ASIC2: variants seen among roughly 807,000 people sequenced by gnomAD.
ASIC2 encodes the protein acid-sensing ion channel 2.
Under a neutral mutation model 57.3 loss-of-function variants are expected in ASIC2, and 25 were observed. The ratio of observed to expected loss-of-function variants is 0.44; its 90% confidence interval spans 0.32 to 0.61. The LOEUF is 0.61. ASIC2 is among the 20% of genes least tolerant of loss of function. The pLI is 0.06. For synonymous variants in ASIC2, 319 were observed against 307.5 expected (o/e 1.04, Z -0.39); for missense variants, 641 against 738.1 (o/e 0.87, Z 1.52).
Position 34,078,311 on chromosome 17 carries a change from A to G in ASIC2, c.555+77667T>C, listed in dbSNP as rs1598011598. 3.3e-5 allele frequency among the ~76,000 whole-genome samples: 5 copies of G among 152,290 alleles called. 1 individual carries two copies. In the South Asian group the frequency reaches 1.0e-3, roughly 32 times the overall value. On this transcript the variant is annotated intron_variant, in intron 1 of 9. Coordinates refer to the ASIC2 transcript ENST00000359872. Reference sequence around the variant, plus strand: ...TAGCACTGTACCTGGCACTTCACAGATGCCCCATAATGCCACTGCTTCCTT... The same window carrying G: ...TAGCACTGTACCTGGCACTTCACAGGTGCCCCATAATGCCACTGCTTCCTT...
At chr17:33,319,275 G>A (rs1035579375) in intron 1 of ASIC2, among the ~76,000 whole-genome samples, 7 of 152,318 alleles carry the variant, frequency 4.6e-5, no homozygotes, top group Admixed American at 3.9e-4. Flanking sequence ...ATCCATTGGG[G>A]TAGTTCTGGA....
chr17:33,392,215 C>CTTCCTTCCTTCCTTCT (rs1399354529), intron 1 of ASIC2, among the ~76,000 whole-genome samples: 1 of 139,470 alleles, frequency 7.2e-6, no homozygotes, highest in East Asian at 2.1e-4. Context: ...TCCTTCCTTC[C>CTTCCTTCCTTCCTTCT]TTCCTTCCTT....
chr17:33,840,732 C>T lies in ASIC2; in HGVS notation c.555+315246G>A, dbSNP rs569779872. Reference sequence around the variant, plus strand: ...CTGTGTTGTAAGAAATAGGTGATTGCTTTAAATAAAGACATGGAATATTAA... The same window carrying T: ...CTGTGTTGTAAGAAATAGGTGATTGTTTTAAATAAAGACATGGAATATTAA... On this transcript the variant is annotated intron_variant, in intron 1 of 9. Transcript: ENST00000359872. Among the ~76,000 whole-genome samples the T allele has an allele frequency of 2.6e-5, 4 of 151,176 alleles. No individual in the cohort carries two copies. The South Asian group carries it at 8.4e-4, about 32-fold the overall frequency.
intron 1 of ASIC2, among the ~76,000 whole-genome samples, chr17:33,806,098 G>A (rs769927057): frequency 7.2e-5 from 11 of 152,216 alleles, no homozygotes; most frequent in South Asian, 2.1e-4. Context: ...GCGAAACACC[G>A]GAAAGCACCC....
At chr17:33,970,218 T>C (rs552319328) in intron 1 of ASIC2, among the ~76,000 whole-genome samples, 2 of 152,304 alleles carry the variant, frequency 1.3e-5, no homozygotes, top group Admixed American at 1.3e-4. Context: ...ACAAAACTTG[T>C]TTCCAGACAT....
intron 1 of ASIC2, among the ~76,000 whole-genome samples, chr17:34,136,564 T>C (rs551046618): frequency 8.5e-4 from 130 of 152,358 alleles, no homozygotes; most frequent in Middle Eastern, 3.4e-3. Context: ...AGAAAATCTT[T>C]GAATCCAATC....
At chr17:33,506,121 G>A (rs1036097313) in intron 1 of ASIC2, among the ~76,000 whole-genome samples, 3 of 152,000 alleles carry the variant, frequency 2.0e-5, no homozygotes, top group African/African-American at 7.3e-5. Flanking sequence ...CAGGCTGGGT[G>A]TGGTGGCTCA....
chr17:33,837,085 A>G (rs1913296711), intron 1 of ASIC2, among the ~76,000 whole-genome samples: 2 of 152,170 alleles, frequency 1.3e-5, no homozygotes, highest in African/African-American at 4.8e-5. Context: ...TGAAAGATCA[A>G]TGGGCTTTGG....
intron 1 of ASIC2, among the ~76,000 whole-genome samples, chr17:33,813,257 C>T (rs1012230902): frequency 6.6e-6 from 1 of 152,056 alleles, no homozygotes; most frequent in Non-Finnish European, 1.5e-5. Context: ...ATCCACCAGG[C>T]TGGAAGGAAC....
At chr17:33,153,882 G>C (rs1269044498) in intron 1 of ASIC2, among the ~76,000 whole-genome samples, 1 of 152,196 alleles carries the variant, frequency 6.6e-6, no homozygotes, top group Non-Finnish European at 1.5e-5. Context: ...ACTTGGGTTA[G>C]CTCTGAAGGG....
chr17:33,023,523 G>A (rs1598238734), intron 6 of ASIC2, among the ~76,000 whole-genome samples: 7 of 151,676 alleles, frequency 4.6e-5, no homozygotes, highest in African/African-American at 2.4e-5. Context: ...ATTCTCTGAA[G>A]CTTTCCCTGA....
chr17:33,449,354 T>C (rs1216909366), intron 1 of ASIC2, among the ~76,000 whole-genome samples: 2 of 152,178 alleles, frequency 1.3e-5, no homozygotes, highest in Non-Finnish European at 2.9e-5. Flanking sequence ...TCTGCAGCCT[T>C]GTGGGCTGTA....
At chr17:33,305,106 G>A (rs28720803) in intron 1 of ASIC2, among the ~76,000 whole-genome samples, 2 of 152,134 alleles carry the variant, frequency 1.3e-5, no homozygotes, top group African/African-American at 4.8e-5. Flanking sequence ...GGCTAGTAAC[G>A]TGGCAGGCAT....
intron 1 of ASIC2, chr17:34,037,788 T>TCAA (rs1907948321): frequency 6.2e-7 from 1 of 1,614,096 alleles, no homozygotes; most frequent in Non-Finnish European, 8.5e-7. Flanking sequence ...CATCGTCGAA[T>TCAA]CAACGCCTTT....
chr17:33,942,885 C>T (rs1404323659), intron 1 of ASIC2, among the ~76,000 whole-genome samples: 1 of 152,198 alleles, frequency 6.6e-6, no homozygotes, highest in Non-Finnish European at 1.5e-5. Context: ...TTAGGGCTTT[C>T]AGACCTATGC....
At chr17:33,044,483 C>G (rs2091943612) in intron 3 of ASIC2, among the ~76,000 whole-genome samples, 1 of 152,180 alleles carries the variant, frequency 6.6e-6, no homozygotes, top group Non-Finnish European at 1.5e-5. Context: ...AGCGATTCTC[C>G]TGCCTCAGCC....
rs16968592 is a variant in ASIC2 at position 33,565,146 on chromosome 17, G to A, written c.556-453079C>T. On this transcript the variant is annotated intron_variant, in intron 1 of 9. Transcript: ENST00000359872. ...GGGTCTCCCCGACTGAGTTGGTCTC[G>A]GCACTAGTCTGTGTCCCTGGCTTGC... Among the ~76,000 whole-genome samples the A allele has an allele frequency of 5.4e-3, 821 of 152,162 alleles. 6 individuals are homozygous for A. The highest frequency in any genetic ancestry group is 0.019 in the African/African-American group (783 of 41,524).
intron 1 of ASIC2, among the ~76,000 whole-genome samples, chr17:33,663,342 G>C (rs1335869844): frequency 2.6e-5 from 4 of 152,024 alleles, no homozygotes. Context: ...GTAAATAGTA[G>C]TTTCTCAGTA....
intron 3 of ASIC2, among the ~76,000 whole-genome samples, chr17:33,081,563 GA>G (rs1186912226): frequency 6.6e-6 from 1 of 152,020 alleles, no homozygotes; most frequent in African/African-American, 2.4e-5. Flanking sequence ...CTTCTGCCTT[GA>G]AAAAAACCAA....
Sources: allele counts gnomAD v4.1 joint callset (sites outside exome capture counted in the v4.1 genomes callset), GRCh38; gene constraint gnomAD v4.1.1; transcripts MANE v1.5; gene names NCBI Gene and HGNC (gene_info 2026-07-23, HGNC 2026-07-21).